Variants in YPEL1 observed in about 807,000 individuals in gnomAD.
YPEL1 encodes yippee like 1.
Under a neutral mutation model 17.3 loss-of-function variants are expected in YPEL1, and 7 were observed. That is an observed-to-expected ratio of 0.40 (90% CI 0.23 to 0.76). The LOEUF (loss-of-function observed/expected upper bound fraction) is 0.76. YPEL1 is among the 30% of genes least tolerant of loss of function. The probability of loss-of-function intolerance (pLI) is 0.35; values close to 1 mark genes in which losing one functional copy is unlikely to be tolerated. For synonymous variants in YPEL1, 59 were observed against 59.6 expected (o/e 0.99, Z 0.05); for missense variants, 91 against 155.5 (o/e 0.59, Z 2.21).
Position 21,703,898 on chromosome 22 carries a change from C to T in YPEL1, c.118-16G>A. The T allele has an allele frequency of 1.3e-6, 2 of 1,589,182 alleles. No individual in the cohort carries two copies. The highest frequency in any genetic ancestry group is 1.7e-6 in the Non-Finnish European group (2 of 1,168,224). ...CCTGAAAGGACTGAAAGAAGAAGGT[C>T]CCGTGAGATTGGCTGCGAGTGCTTT... On this transcript the variant is annotated splice_polypyrimidine_tract_variant and intron_variant, in intron 2 of 4. Coordinates refer to ENST00000339468, the MANE Select transcript of YPEL1 (RefSeq NM_013313.5). The surrounding 1 kb of genome is among the most constrained non-coding windows in gnomAD (Gnocchi z 6.1).
chr22:21,728,292 C>T (rs1015385072), intron 1 of YPEL1, among the ~76,000 whole-genome samples: 2 of 152,128 alleles, frequency 1.3e-5, no homozygotes, highest in South Asian at 2.1e-4. Context: ...TTTGCCTCTC[C>T]CACCCCTCAC....
intron 1 of YPEL1, among the ~76,000 whole-genome samples, chr22:21,732,008 C>CA (rs2068392117): frequency 6.6e-6 from 1 of 152,222 alleles, no homozygotes; most frequent in African/African-American, 2.4e-5. Context: ...CAAGGCCCTG[C>CA]AGGTGCCAGA....
intron 1 of YPEL1, among the ~76,000 whole-genome samples, chr22:21,724,461 C>T (rs568087327): frequency 1.3e-5 from 2 of 152,048 alleles, no homozygotes; most frequent in Admixed American, 6.5e-5. Context: ...AGCTTGAACT[C>T]GGGAGATGGA....
chr22:21,721,209 C>T (rs948102098), intron 1 of YPEL1, among the ~76,000 whole-genome samples: 1 of 151,820 alleles, frequency 6.6e-6, no homozygotes, highest in Admixed American at 6.6e-5. Flanking sequence ...GTGCAACCTC[C>T]GCCTCCTGGG....
At chr22:21,721,485 G>A (rs1236149142) in intron 1 of YPEL1, among the ~76,000 whole-genome samples, 7 of 150,032 alleles carry the variant, frequency 4.7e-5, no homozygotes, top group African/African-American at 7.4e-5. Flanking sequence ...GTACAGTGGC[G>A]TGATCTTGGC....
chr22:21,722,987 C>T (rs1049786565), intron 1 of YPEL1: 4 of 151,564 alleles, frequency 2.6e-5, no homozygotes, highest in African/African-American at 9.7e-5. Context: ...GCTTTGTTTT[C>T]AACTTAGGCC....
At chr22:21,704,920 C>T (rs1038477776) in intron 2 of YPEL1, among the ~76,000 whole-genome samples, 5 of 152,112 alleles carry the variant, frequency 3.3e-5, no homozygotes, top group African/African-American at 9.7e-5. Context: ...AAGTCTCAAT[C>T]GACCTCAAAC....
chr22:21,733,580 T>C (rs1053664469), intron 1 of YPEL1, among the ~76,000 whole-genome samples: 4 of 151,254 alleles, frequency 2.6e-5, no homozygotes, highest in African/African-American at 9.7e-5. Context: ...ATCAAAAAAT[T>C]AGCTGGGTAT....
intron 1 of YPEL1, among the ~76,000 whole-genome samples, chr22:21,721,593 T>C (rs1307072924): frequency 6.6e-6 from 1 of 152,158 alleles, no homozygotes; most frequent in Non-Finnish European, 1.5e-5. Flanking sequence ...CTGGCTAATT[T>C]TTATATTTTT....
intron 2 of YPEL1, among the ~76,000 whole-genome samples, chr22:21,708,957 A>C (rs984826577): frequency 5.3e-5 from 8 of 152,046 alleles, no homozygotes; most frequent in African/African-American, 1.9e-4. Context: ...TACAGGGGTG[A>C]GCCACCACGC....
Position 21,703,710 on chromosome 22 carries a change from G to GA in YPEL1, c.161+128_161+129insT, listed in dbSNP as rs555944553. ...CCTTAGCGCGTTTCAGAAACTCCCGGCGGGGGGATGGTGGGTTCTTTCAGG... is the reference window on the plus strand; with the variant it reads ...CCTTAGCGCGTTTCAGAAACTCCCGGACGGGGGGATGGTGGGTTCTTTCAGG... On this transcript the variant is annotated intron_variant, in intron 3 of 4. Transcript: ENST00000339468. This position sits in a 1 kb window ranked among gnomAD's most constrained non-coding sequence, Gnocchi z 6.1. The GA allele has an allele frequency of 2.8e-6, 3 of 1,057,124 alleles. No homozygotes were observed. The South Asian group carries it at 4.7e-5, about 16-fold the overall frequency. The allele number at this position is 1,057,124 out of a possible 1,614,324, so 65.5% of individuals were successfully genotyped here. A position where few individuals can be genotyped will look rare whatever the true frequency, so the allele number is the denominator to read the frequency against.
At chr22:21,735,094 T>G (rs1037224685) in intron 1 of YPEL1, among the ~76,000 whole-genome samples, 1 of 152,120 alleles carries the variant, frequency 6.6e-6, no homozygotes, top group African/African-American at 2.4e-5. Flanking sequence ...CCTGTTTAGA[T>G]CTCTGAAGCT....
chr22:21,733,331 C>T (rs1429971689), intron 1 of YPEL1, among the ~76,000 whole-genome samples: 3 of 151,838 alleles, frequency 2.0e-5, no homozygotes, highest in African/African-American at 7.3e-5. Context: ...ACAGGAGAAT[C>T]GCTTAACCCT....
At chr22:21,723,959 G>A (rs562437519) in intron 1 of YPEL1, among the ~76,000 whole-genome samples, 10 of 152,104 alleles carry the variant, frequency 6.6e-5, no homozygotes, top group South Asian at 2.1e-4. Flanking sequence ...GAGCCACCAC[G>A]CCTGGCCTGG....
chr22:21,731,551 A>AAC (rs1424116194), intron 1 of YPEL1, among the ~76,000 whole-genome samples: 11 of 151,768 alleles, frequency 7.2e-5, no homozygotes, highest in South Asian at 6.2e-4. Flanking sequence ...AAAAAAAAAA[A>AAC]AAAAACAGAT....
rs1197027844 is a variant in YPEL1 at position 21,698,680 on chromosome 22, A to AGTCT, written c.*2445_*2448dup. 1.3e-5 allele frequency: 2 copies of AGTCT among 152,408 alleles called. No individual in the cohort carries two copies. The highest frequency in any genetic ancestry group is 2.4e-5 in the African/African-American group (1 of 41,470). 9.4% of individuals were successfully genotyped at this position (152,408 alleles called of 1,614,324 possible). Reference sequence around the variant, plus strand: ...GGAAGGTGTCTTTCAGCCTCTTCACAGTCTCAAGACAATTGACTGAAGCCA... The same window carrying AGTCT: ...GGAAGGTGTCTTTCAGCCTCTTCACAGTCTGTCTCAAGACAATTGACTGAAGCCA... On this transcript the variant is annotated 3_prime_UTR_variant, in exon 5 of 5. Coordinates refer to ENST00000339468, the MANE Select transcript of YPEL1 (RefSeq NM_013313.5).
chr22:21,735,361 CG>C (rs1382164599), intron 1 of YPEL1, among the ~76,000 whole-genome samples: 3 of 149,734 alleles, frequency 2.0e-5, no homozygotes, highest in African/African-American at 7.3e-5. Context: ...AGAGGGACAG[CG>C]GGGGAGGTGG....
chr22:21,705,592 G>A (rs543081519), intron 2 of YPEL1, among the ~76,000 whole-genome samples: 25 of 148,924 alleles, frequency 1.7e-4, no homozygotes, highest in African/African-American at 6.1e-4. Context: ...AGTGGAAAAA[G>A]CACACACTAT....
At chr22:21,735,213 C>T (rs2068424670) in intron 1 of YPEL1, among the ~76,000 whole-genome samples, 1 of 152,196 alleles carries the variant, frequency 6.6e-6, no homozygotes, top group Non-Finnish European at 1.5e-5. Flanking sequence ...GCTTTTCCGC[C>T]TTTCTGATAA....
Sources: allele counts gnomAD v4.1 joint callset (sites outside exome capture counted in the v4.1 genomes callset), GRCh38; gene constraint gnomAD v4.1.1; non-coding constraint Gnocchi (gnomAD v3.1); transcripts MANE v1.5; gene names NCBI Gene and HGNC (gene_info 2026-07-23, HGNC 2026-07-21).